Variants in CA10 observed in about 807,000 individuals in gnomAD.
The protein encoded by CA10 is carbonic anhydrase-related protein 10.
In CA10, 14 loss-of-function variants were observed where a neutral mutation model predicts 44.2. That is an observed-to-expected ratio of 0.32 (90% CI 0.21 to 0.50). The LOEUF (loss-of-function observed/expected upper bound fraction) is 0.50, where lower values mean the gene tolerates loss of function less well. CA10 is among the 20% of genes least tolerant of loss of function. The probability of loss-of-function intolerance (pLI) is 0.99; values close to 1 mark genes in which losing one functional copy is unlikely to be tolerated. For synonymous variants in CA10, 159 were observed against 141.6 expected (o/e 1.12, Z -0.87); for missense variants, 350 against 409.7 (o/e 0.85, Z 1.26).
intron 4 of CA10, among the ~76,000 whole-genome samples, chr17:51,662,836 A>G (rs1456345275): frequency 6.6e-6 from 1 of 152,170 alleles, no homozygotes; most frequent in Non-Finnish European, 1.5e-5. Context: ...AACCTAGAAA[A>G]CCAGCATGGA....
chr17:51,887,523 A>G (rs2143901368), intron 3 of CA10, among the ~76,000 whole-genome samples: 2 of 152,342 alleles, frequency 1.3e-5, no homozygotes, highest in South Asian at 4.1e-4. Flanking sequence ...GGACTAACAA[A>G]TAACATGGTT....
intron 3 of CA10, among the ~76,000 whole-genome samples, chr17:51,787,992 C>T (rs1906360056): frequency 1.3e-5 from 2 of 151,938 alleles, no homozygotes; most frequent in South Asian, 4.1e-4. Context: ...TTTTCTTCTA[C>T]TAATTTTAGG....
intron 3 of CA10, among the ~76,000 whole-genome samples, chr17:51,822,956 A>G (rs1907870006): frequency 6.6e-6 from 1 of 152,130 alleles, no homozygotes; most frequent in African/African-American, 2.4e-5. Flanking sequence ...ACACAGCCTT[A>G]CTCAACTGCC....
chr17:51,647,833 GAGAGGACTC>G (rs1913400615), intron 6 of CA10, among the ~76,000 whole-genome samples: 1 of 152,164 alleles, frequency 6.6e-6, no homozygotes, highest in Admixed American at 6.5e-5. Flanking sequence ...TGTGTGCTTA[GAGAGGACTC>G]CATAAGAATA....
intron 2 of CA10, among the ~76,000 whole-genome samples, chr17:52,049,724 A>T (rs1987005753): frequency 6.6e-6 from 1 of 152,150 alleles, no homozygotes; most frequent in Admixed American, 6.6e-5. Flanking sequence ...TCCTGCCAAC[A>T]AGATGCCTTC....
intron 2 of CA10, among the ~76,000 whole-genome samples, chr17:51,976,998 C>T (rs1378768092): frequency 6.6e-6 from 1 of 151,796 alleles, no homozygotes; most frequent in Non-Finnish European, 1.5e-5. Flanking sequence ...CTTAGCAAAA[C>T]TAATAGAACA....
intron 2 of CA10, among the ~76,000 whole-genome samples, chr17:52,051,239 G>A (rs143376458): frequency 1.9e-3 from 287 of 152,076 alleles, no homozygotes; most frequent in African/African-American, 6.5e-3. Flanking sequence ...ACAGACATGG[G>A]CAAAGATTTC....
At chr17:52,064,697 G>A (rs956519765) in intron 2 of CA10, among the ~76,000 whole-genome samples, 1 of 152,116 alleles carries the variant, frequency 6.6e-6, no homozygotes, top group Non-Finnish European at 1.5e-5. Flanking sequence ...AGAAAAGGAT[G>A]GAAAATAGCA....
chr17:51,709,814 C>A (rs1368580597), intron 4 of CA10, among the ~76,000 whole-genome samples: 1 of 152,134 alleles, frequency 6.6e-6, no homozygotes, highest in African/African-American at 2.4e-5. Flanking sequence ...TGTCACAGAT[C>A]TAGAGCTGGG....
At chr17:51,993,997 A>G (rs988998241) in intron 2 of CA10, among the ~76,000 whole-genome samples, 2 of 152,036 alleles carry the variant, frequency 1.3e-5, no homozygotes, top group Non-Finnish European at 2.9e-5. Flanking sequence ...GTACATATTT[A>G]ATATCATGTG....
chr17:51,906,927 T>A (rs577044983), intron 3 of CA10, among the ~76,000 whole-genome samples: 1 of 152,170 alleles, frequency 6.6e-6, no homozygotes, highest in Admixed American at 6.6e-5. Flanking sequence ...CTCTTCCAGA[T>A]GACACAGTGG....
chr17:52,064,217 C>T (rs1026923346), intron 2 of CA10, among the ~76,000 whole-genome samples: 14 of 152,252 alleles, frequency 9.2e-5, no homozygotes, highest in African/African-American at 2.4e-4. Flanking sequence ...GCCAAGGACC[C>T]ACATGAGCTT....
At chr17:51,850,682 C>G (rs547423311) in intron 3 of CA10, among the ~76,000 whole-genome samples, 1 of 152,164 alleles carries the variant, frequency 6.6e-6, no homozygotes, top group Non-Finnish European at 1.5e-5. Flanking sequence ...GAAATAGAAG[C>G]CTCATGAAAG....
At chr17:51,717,639 G>A (rs913671476) in intron 4 of CA10, among the ~76,000 whole-genome samples, 21 of 29,796 alleles carry the variant, frequency 7.0e-4, no homozygotes, top group East Asian at 1.8e-3. Flanking sequence ...ATATATGCAT[G>A]TATATATACA....
intron 4 of CA10, among the ~76,000 whole-genome samples, chr17:51,691,340 T>G (rs184802830): frequency 1.9e-4 from 29 of 152,342 alleles, no homozygotes; most frequent in Admixed American, 1.9e-3. Context: ...TGTTGAACAT[T>G]TTTTCATATA....
At chr17:51,874,969 C>A (rs139355150) in intron 3 of CA10, among the ~76,000 whole-genome samples, 1 of 106,074 alleles carries the variant, frequency 9.4e-6, no homozygotes, top group Non-Finnish European at 1.9e-5. Context: ...TCTTTTTTTT[C>A]TTTTCTTTTC....
At chr17:51,802,586 A>AC (rs1482814984) in intron 3 of CA10, among the ~76,000 whole-genome samples, 1 of 141,122 alleles carries the variant, frequency 7.1e-6, no homozygotes, top group South Asian at 2.3e-4. Flanking sequence ...AAAAAAAAAA[A>AC]AACAACCAGA....
intron 1 of CA10, among the ~76,000 whole-genome samples, chr17:52,075,038 A>C (rs535975217): frequency 7.9e-5 from 12 of 152,310 alleles, no homozygotes; most frequent in Admixed American, 3.3e-4. Context: ...TAGTTATGAC[A>C]GAGACCATTT....
intron 3 of CA10, among the ~76,000 whole-genome samples, chr17:51,856,448 T>C (rs1266097037): frequency 1.3e-5 from 2 of 151,802 alleles, no homozygotes; most frequent in African/African-American, 4.8e-5. Flanking sequence ...AGAAACAATA[T>C]AAAAGGACAG....
Sources: allele counts gnomAD v4.1 joint callset (sites outside exome capture counted in the v4.1 genomes callset), GRCh38; gene constraint gnomAD v4.1.1; transcripts MANE v1.5; gene names NCBI Gene and HGNC (gene_info 2026-07-23, HGNC 2026-07-21).